The following GALNTL6 variants were observed in gnomAD, a reference collection of about 807,000 sequenced individuals.
GALNTL6 encodes the protein polypeptide N-acetylgalactosaminyltransferase like 6, also known as polypeptide N-acetylgalactosaminyltransferase-like 6.
Under a neutral mutation model 73.7 loss-of-function variants are expected in GALNTL6, and 46 were observed. That is an observed-to-expected ratio of 0.62 (90% confidence interval 0.49 to 0.80). The LOEUF is 0.80. Ranked by LOEUF, GALNTL6 falls within the 30% of genes least tolerant of loss-of-function variation. The probability of loss-of-function intolerance (pLI) is 0.00; values close to 1 mark genes in which losing one functional copy is unlikely to be tolerated. For missense variants in GALNTL6, 604 were observed against 755.0 expected, an observed-to-expected ratio of 0.80 and a Z score of 2.34; for synonymous variants, 259 against 263.7, an observed-to-expected ratio of 0.98 and a Z score of 0.17.
intron 12 of GALNTL6, among the ~76,000 whole-genome samples, chr4:173,026,863 T>A (rs1489669405): frequency 6.6e-6 from 1 of 152,158 alleles, no homozygotes; most frequent in Non-Finnish European, 1.5e-5. Flanking sequence ...ATTCGTGGGT[T>A]TTGTGTTCTG....
At chr4:172,015,378 T>C (rs1741155035) in intron 2 of GALNTL6, among the ~76,000 whole-genome samples, 1 of 152,154 alleles carries the variant, frequency 6.6e-6, no homozygotes, top group South Asian at 2.1e-4. Context: ...TGCTTGCTTT[T>C]GGTTTCCATT....
At position 172,166,340 on chromosome 4, in the gene GALNTL6, G is replaced by A. The variant is rs187317688; in HGVS notation, c.139-63316G>A. ...GCATGCCTGTAATCCCAGATACTCT[G>A]GAGGCTGAGGCAGGAGAATCGCTTG... On this transcript the variant is annotated intron_variant, in intron 2 of 12. Transcript: ENST00000506823. 1.1e-3 allele frequency among the ~76,000 whole-genome samples: 163 copies of A among 152,180 alleles called. 1 individual carries two copies. Among genetic ancestry groups the A allele is most frequent in the African/African-American group, 3.6e-3 (150 of 41,518 alleles).
At chr4:172,772,743 G>T (rs1738848629) in intron 5 of GALNTL6, among the ~76,000 whole-genome samples, 1 of 151,998 alleles carries the variant, frequency 6.6e-6, no homozygotes, top group Admixed American at 6.6e-5. Flanking sequence ...AAGATATTTA[G>T]GTCCTAATTC....
chr4:172,639,436 C>A (rs1201565100), intron 5 of GALNTL6, among the ~76,000 whole-genome samples: 2 of 152,052 alleles, frequency 1.3e-5, no homozygotes, highest in Non-Finnish European at 2.9e-5. Context: ...CACTGTATTT[C>A]TCGTTAAAAC....
intron 5 of GALNTL6, among the ~76,000 whole-genome samples, chr4:172,721,366 A>C (rs1735464514): frequency 6.6e-6 from 1 of 152,264 alleles, no homozygotes; most frequent in Non-Finnish European, 1.5e-5. Flanking sequence ...AAGGTATTTA[A>C]TCCTTTGAAA....
At chr4:172,864,934 G>T (rs1428112430) in intron 7 of GALNTL6, among the ~76,000 whole-genome samples, 1 of 152,114 alleles carries the variant, frequency 6.6e-6, no homozygotes, top group Non-Finnish European at 1.5e-5. Flanking sequence ...ATTATCAGGG[G>T]AACAATAGCC....
intron 5 of GALNTL6, among the ~76,000 whole-genome samples, chr4:172,698,348 A>G (rs1020055112): frequency 6.6e-6 from 1 of 152,078 alleles, no homozygotes; most frequent in Non-Finnish European, 1.5e-5. Flanking sequence ...TGACACAGGC[A>G]ATATCAGTAT....
chr4:172,914,192 A>G (rs1309473259), intron 8 of GALNTL6, among the ~76,000 whole-genome samples: 1 of 152,232 alleles, frequency 6.6e-6, no homozygotes. Context: ...ACAGACAAGC[A>G]AATGCCGAGA....
intron 2 of GALNTL6, among the ~76,000 whole-genome samples, chr4:172,120,428 G>A (rs900177295): frequency 1.3e-5 from 2 of 151,884 alleles, no homozygotes; most frequent in Non-Finnish European, 2.9e-5. Context: ...TTTTACTCAG[G>A]GCCTCATATC....
In GALNTL6 at chr4:171,981,515, C is replaced by G. The variant is rs534336781; in HGVS notation, c.138+166797C>G. On this transcript the variant is annotated intron_variant, in intron 2 of 12. Coordinates refer to ENST00000506823, the MANE Select transcript of GALNTL6 (RefSeq NM_001034845.3). ...GGCAAATTATGAGGGAGGTATGGAG[C>G]TTTTTTTATCTTTGTAGCTATCTTA... Among the ~76,000 whole-genome samples, 4 of 152,186 alleles carry G rather than the reference C, an allele frequency of 2.6e-5. No individual in the cohort carries two copies. The East Asian group carries it at 7.7e-4, about 29-fold the overall frequency.
intron 10 of GALNTL6, among the ~76,000 whole-genome samples, chr4:172,960,742 T>C (rs185404629): frequency 1.8e-4 from 27 of 152,292 alleles, no homozygotes; most frequent in Admixed American, 4.6e-4. Flanking sequence ...CTATTTGGAA[T>C]GACTGTCGAG....
At chr4:171,864,273 T>C (rs1048012204) in intron 2 of GALNTL6, among the ~76,000 whole-genome samples, 5 of 152,200 alleles carry the variant, frequency 3.3e-5, no homozygotes, top group Admixed American at 2.0e-4. Flanking sequence ...TATGATTAAA[T>C]TGGGAGAAAC....
chr4:172,294,366 G>A (rs557937197), intron 3 of GALNTL6, among the ~76,000 whole-genome samples: 1 of 152,132 alleles, frequency 6.6e-6, no homozygotes, highest in East Asian at 1.9e-4. Flanking sequence ...CTTAGATGTA[G>A]TTAAAAATGT....
chr4:172,431,776 A>G (rs1430439737), intron 5 of GALNTL6, among the ~76,000 whole-genome samples: 1 of 152,146 alleles, frequency 6.6e-6, no homozygotes, highest in Non-Finnish European at 1.5e-5. Context: ...AAAAGTCAGT[A>G]TTTTTACTGA....
chr4:172,051,309 C>A (rs1730856151), intron 2 of GALNTL6, among the ~76,000 whole-genome samples: 1 of 152,162 alleles, frequency 6.6e-6, no homozygotes, highest in African/African-American at 2.4e-5. Flanking sequence ...ACAGTGCGTT[C>A]TTTTAGCTTT....
At chr4:172,018,602 T>C (rs1322524034) in intron 2 of GALNTL6, among the ~76,000 whole-genome samples, 1 of 151,960 alleles carries the variant, frequency 6.6e-6, no homozygotes, top group African/African-American at 2.4e-5. Context: ...AGCCTGCACA[T>C]AAAACTCAGA....
chr4:172,916,673 A>C (rs989924993), intron 8 of GALNTL6, among the ~76,000 whole-genome samples: 2 of 152,230 alleles, frequency 1.3e-5, no homozygotes, highest in African/African-American at 4.8e-5. Flanking sequence ...TAAAATACCT[A>C]GGAATCGAAC....
intron 10 of GALNTL6, among the ~76,000 whole-genome samples, chr4:172,954,630 C>T (rs959576203): frequency 2.0e-5 from 3 of 152,072 alleles, no homozygotes; most frequent in African/African-American, 7.2e-5. Context: ...CCAGTCCCAG[C>T]TAATTTTTTA....
At chr4:172,375,948 G>A (rs2111268753) in intron 5 of GALNTL6, among the ~76,000 whole-genome samples, 1 of 152,312 alleles carries the variant, frequency 6.6e-6, no homozygotes, top group Non-Finnish European at 1.5e-5. Context: ...GATCTCCAGA[G>A]TTGGAAGAGT....
Sources: gnomAD v4.1 joint callset for allele counts (sites outside exome capture counted in the v4.1 genomes callset) on GRCh38, gnomAD v4.1.1 for gene constraint, MANE v1.5 for transcripts, NCBI Gene and HGNC (gene_info 2026-07-23, HGNC 2026-07-21) for gene names.